The following SDK1 variants were observed in gnomAD, a reference collection of about 807,000 sequenced individuals.
The protein encoded by SDK1 is protein sidekick-1.
Under a neutral mutation model 245.5 loss-of-function variants are expected in SDK1, and 157 were observed. The observed-to-expected ratio is 0.64, with a 90% confidence interval of 0.56 to 0.73. The LOEUF is 0.73. Among genes scored for constraint, SDK1 ranks in the 30% least tolerant of loss-of-function variants. SDK1 has a pLI of 0.00. For missense variants in SDK1, 3,583 were observed against 3,002.3 expected (o/e 1.19, Z -4.52); for synonymous variants, 1,647 against 1,278.5 (o/e 1.29, Z -6.15).
At chr7:3,330,489 G>T (rs1429987062) in intron 1 of SDK1, among the ~76,000 whole-genome samples, 2 of 152,174 alleles carry the variant, frequency 1.3e-5, no homozygotes, top group Non-Finnish European at 2.9e-5. Flanking sequence ...AGGCCTCCAT[G>T]ATGAGACTGT....
chr7:3,688,538 A>G (rs1333718444), intron 4 of SDK1, among the ~76,000 whole-genome samples: 1 of 152,262 alleles, frequency 6.6e-6, no homozygotes, highest in Non-Finnish European at 1.5e-5. Context: ...TGTTAGTATT[A>G]TAATTAGAAG....
intron 35 of SDK1, among the ~76,000 whole-genome samples, chr7:4,190,523 G>C (rs1012910076): frequency 6.6e-6 from 1 of 152,232 alleles, no homozygotes; most frequent in Non-Finnish European, 1.5e-5. Context: ...TGTTGTTTCA[G>C]ACGTTCCCTT....
intron 1 of SDK1, among the ~76,000 whole-genome samples, chr7:3,366,228 A>G (rs1007632364): frequency 3.9e-5 from 6 of 152,134 alleles, no homozygotes; most frequent in African/African-American, 1.4e-4. Context: ...CTCTGTTTTC[A>G]TTCTTCCCAG....
chr7:4,241,647 TA>T, intron 42 of SDK1, 145 bp from the exon 43 acceptor site: 1 of 911,108 alleles, frequency 1.1e-6, no homozygotes, highest in Non-Finnish European at 1.7e-6. Flanking sequence ...AGCTCAGCCC[TA>T]AGCACAGCTG....
chr7:3,510,930 C>G (rs1782557465), intron 1 of SDK1, among the ~76,000 whole-genome samples: 1 of 152,194 alleles, frequency 6.6e-6, no homozygotes, highest in African/African-American at 2.4e-5. Flanking sequence ...TGATTTCCTT[C>G]CGTGGGAAGC....
chr7:3,786,470 G>C (rs190092581), intron 4 of SDK1, among the ~76,000 whole-genome samples: 2 of 152,202 alleles, frequency 1.3e-5, no homozygotes, highest in Admixed American at 1.3e-4. Flanking sequence ...GCCTAGCAAC[G>C]GTCATACATT....
chr7:3,668,285 A>G (rs1242155275), intron 4 of SDK1, among the ~76,000 whole-genome samples: 1 of 152,184 alleles, frequency 6.6e-6, no homozygotes, highest in East Asian at 1.9e-4. Flanking sequence ...CACTGATGGC[A>G]GTAGATTCCT....
intron 5 of SDK1, among the ~76,000 whole-genome samples, chr7:3,933,733 A>G (rs1780061124): frequency 6.6e-6 from 1 of 152,218 alleles, no homozygotes; most frequent in Non-Finnish European, 1.5e-5. Flanking sequence ...ACTGATAAAA[A>G]TATTTCTTCT....
intron 5 of SDK1, among the ~76,000 whole-genome samples, chr7:3,883,953 G>A (rs1288450489): frequency 6.6e-6 from 1 of 152,042 alleles, no homozygotes; most frequent in East Asian, 1.9e-4. Context: ...ATCTTTAGTT[G>A]TTTCTCATTG....
chr7:4,171,750 T>C (rs1053158821), intron 32 of SDK1, among the ~76,000 whole-genome samples: 2 of 152,226 alleles, frequency 1.3e-5, no homozygotes, highest in Non-Finnish European at 2.9e-5. Context: ...TTTGAGAATT[T>C]GGAGCTAGAT....
intron 17 of SDK1, 62 bp downstream of exon 17, chr7:4,017,414 G>A (rs1345966914): frequency 1.1e-5 from 16 of 1,463,040 alleles, no homozygotes. Context: ...GATTTGCAAG[G>A]TTTGACTGGA....
chr7:3,575,948 A>G (rs1780273494), intron 1 of SDK1, among the ~76,000 whole-genome samples: 1 of 151,996 alleles, frequency 6.6e-6, no homozygotes, highest in African/African-American at 2.4e-5. Context: ...GTTCTTCCCC[A>G]TGTGAGCCAG....
chr7:3,351,398 AGAG>A (rs1447241365), intron 1 of SDK1, among the ~76,000 whole-genome samples: 1 of 152,320 alleles, frequency 6.6e-6, no homozygotes, highest in African/African-American at 2.4e-5. Context: ...AAGACAGTAT[AGAG>A]GAGGCAGGAA....
chr7:3,433,309 G>T (rs1435307557), intron 1 of SDK1, among the ~76,000 whole-genome samples: 1 of 152,202 alleles, frequency 6.6e-6, no homozygotes, highest in Admixed American at 6.5e-5. Context: ...CACTTCAAAA[G>T]GTGTGTGTTA....
chr7:3,446,642 A>G (rs556690498), intron 1 of SDK1, among the ~76,000 whole-genome samples: 1 of 152,306 alleles, frequency 6.6e-6, no homozygotes, highest in African/African-American at 2.4e-5. Context: ...ATAAAATAGC[A>G]TTTGTAGAAT....
chr7:3,516,609 C>T (rs1371498290), intron 1 of SDK1, among the ~76,000 whole-genome samples: 1 of 152,040 alleles, frequency 6.6e-6, no homozygotes, highest in Admixed American at 6.6e-5. Context: ...TTCTGGTGTG[C>T]TACTAACAGT....
At chr7:3,469,729 A>G (rs567849481) in intron 1 of SDK1, among the ~76,000 whole-genome samples, 7 of 152,276 alleles carry the variant, frequency 4.6e-5, no homozygotes, top group African/African-American at 1.7e-4. Context: ...CTAGCCATTG[A>G]CAGAAAACAC....
At chr7:3,397,585 A>C (rs1190397987) in intron 1 of SDK1, among the ~76,000 whole-genome samples, 1 of 151,656 alleles carries the variant, frequency 6.6e-6, no homozygotes, top group Non-Finnish European at 1.5e-5. Flanking sequence ...TGTAATATGC[A>C]AGTCATTTTT....
At chr7:3,856,116 G>C (rs1408806610) in intron 5 of SDK1, among the ~76,000 whole-genome samples, 1 of 152,074 alleles carries the variant, frequency 6.6e-6, no homozygotes, top group South Asian at 2.1e-4. Flanking sequence ...GAGTAAGGGA[G>C]GAATAAAGAA....
Sources: allele counts gnomAD v4.1 joint callset (sites outside exome capture counted in the v4.1 genomes callset), GRCh38; gene constraint gnomAD v4.1.1; transcripts MANE v1.5; gene names NCBI Gene and HGNC (gene_info 2026-07-23, HGNC 2026-07-21).